Variants in CAPZA2 observed in about 807,000 individuals in gnomAD.
CAPZA2 encodes F-actin-capping protein subunit alpha-2.
CAPZA2 carries 13 observed loss-of-function variants against 44.0 expected under a neutral mutation model. That is an observed-to-expected ratio of 0.30 (90% CI 0.19 to 0.47). The LOEUF is 0.47. Among genes scored for constraint, CAPZA2 ranks in the 20% least tolerant of loss-of-function variants. The pLI is 1.00. For missense variants in CAPZA2, 244 were observed against 338.6 expected, an observed-to-expected ratio of 0.72 and a Z score of 2.19; for synonymous variants, 94 against 108.2, an observed-to-expected ratio of 0.87 and a Z score of 0.81.
chr7:116,871,380 C>G (rs1027432564), intron 1 of CAPZA2, among the ~76,000 whole-genome samples: 4 of 152,180 alleles, frequency 2.6e-5, no homozygotes, highest in Non-Finnish European at 4.4e-5. Context: ...GAATGAGAAA[C>G]AAATTATACC....
At chr7:116,913,173 C>G (rs1791619529) in intron 8 of CAPZA2, among the ~76,000 whole-genome samples, 1 of 152,172 alleles carries the variant, frequency 6.6e-6, no homozygotes, top group Non-Finnish European at 1.5e-5. Flanking sequence ...ATTCTGGATA[C>G]AAGTCCAGTG....
chr7:116,900,419 T>C (rs936485172), intron 4 of CAPZA2, among the ~76,000 whole-genome samples: 6 of 151,192 alleles, frequency 4.0e-5, no homozygotes, highest in Non-Finnish European at 8.9e-5. Context: ...AAAAAAAAGC[T>C]ATTAGAATTA....
intron 1 of CAPZA2, among the ~76,000 whole-genome samples, chr7:116,880,806 C>G (rs1321926674): frequency 7.2e-6 from 1 of 138,430 alleles, no homozygotes; most frequent in African/African-American, 2.7e-5. Context: ...CTCCCAGGTT[C>G]AAGCGATTCT....
At chr7:116,891,096 C>A (rs1366573228) in intron 2 of CAPZA2, among the ~76,000 whole-genome samples, 1 of 152,152 alleles carries the variant, frequency 6.6e-6, no homozygotes, top group African/African-American at 2.4e-5. Context: ...CTGTCCTCCA[C>A]CCTGTGGTTT....
chr7:116,864,169 T>A (rs1239101847), intron 1 of CAPZA2, among the ~76,000 whole-genome samples: 1 of 152,170 alleles, frequency 6.6e-6, no homozygotes, highest in African/African-American at 2.4e-5. Flanking sequence ...TGAGGCGTGC[T>A]AAAAAGCTTA....
chr7:116,919,466 A>G lies in CAPZA2; in HGVS notation c.*1599A>G, dbSNP rs1791733640. The G allele has an allele frequency of 6.6e-6, 1 of 152,146 alleles. No homozygotes were observed. Among genetic ancestry groups the G allele is most frequent in the Admixed American group, 6.6e-5 (1 of 15,242 alleles). The allele number at this position is 152,146 out of a possible 1,614,324, so 9.4% of individuals were successfully genotyped here. A position where few individuals can be genotyped will look rare whatever the true frequency, so the allele number is the denominator to read the frequency against. On this transcript the variant is annotated 3_prime_UTR_variant, in exon 10 of 10. Coordinates refer to ENST00000361183, the MANE Select transcript of CAPZA2 (RefSeq NM_006136.3). ...GGCCATCATGAGTTTCTATCCCATG[A>G]AAGTCATCAATTTCCTATCTCTGTT... is the stretch of plus-strand genomic sequence containing the variant.
intron 2 of CAPZA2, among the ~76,000 whole-genome samples, chr7:116,891,460 T>A (rs1317748970): frequency 6.6e-6 from 1 of 152,260 alleles, no homozygotes; most frequent in Non-Finnish European, 1.5e-5. Context: ...AATCAGTTAA[T>A]TTCAAAATTA....
Position 116,920,032 on chromosome 7 carries a change from C to G in CAPZA2, c.*2165C>G, listed in dbSNP as rs1396239136. 6.6e-6 allele frequency: 1 copy of G among 151,638 alleles called. No individual in the cohort carries two copies. The highest frequency in any genetic ancestry group is 2.4e-5 in the African/African-American group (1 of 41,196). 9.4% of individuals were successfully genotyped at this position (151,638 alleles called of 1,614,324 possible). A position where few individuals can be genotyped will look rare whatever the true frequency, so the allele number is the denominator to read the frequency against. On this transcript the variant is annotated 3_prime_UTR_variant, in exon 10 of 10. Transcript: ENST00000361183. ...GGCCGAGGCGGGTGGATCACGAGGT[C>G]AGGAGTTCGAGACCAGCCTGACCAA... is the stretch of plus-strand genomic sequence containing the variant.
intron 8 of CAPZA2, among the ~76,000 whole-genome samples, chr7:116,913,778 T>TC (rs1476177597): frequency 6.8e-6 from 1 of 147,762 alleles, no homozygotes; most frequent in African/African-American, 2.5e-5. Flanking sequence ...AATTTTTTTT[T>TC]TTTTTTTTTT....
chr7:116,890,565 T>C (rs866259954), intron 2 of CAPZA2, among the ~76,000 whole-genome samples: 7 of 12,530 alleles, frequency 5.6e-4, no homozygotes, highest in Admixed American at 1.2e-3. Flanking sequence ...TATATATATA[T>C]ATACACATAT....
At chr7:116,916,790 TA>T (rs1238567069) in intron 9 of CAPZA2, among the ~76,000 whole-genome samples, 1 of 152,236 alleles carries the variant, frequency 6.6e-6, no homozygotes, top group Non-Finnish European at 1.5e-5. Flanking sequence ...ATCTGAAAAT[TA>T]GAAATCTGCA....
Position 116,862,619 on chromosome 7 carries a change from A to G in CAPZA2, c.8A>G (p.Asp3Gly). 6.5e-7 allele frequency: 1 copy of G among 1,539,500 alleles called. No individual in the cohort carries two copies. The highest frequency in any genetic ancestry group is 8.8e-7 in the Non-Finnish European group (1 of 1,142,012). The change falls in exon 1 of 10, where the codon GAT (aspartate) becomes GGT (glycine). Residue 3 changes from aspartate (D) to glycine (G), a missense_variant. Asp to Gly is a moderately conservative substitution (Grantham distance 94, BLOSUM62 -1). Coordinates refer to ENST00000361183, the MANE Select transcript of CAPZA2 (RefSeq NM_006136.3). MA[D>G]LEEQLSDEEK... ...TTTGTCGCCAGAAGGAAGATGGCGG[A>G]TCTGGAGGAGCAGTTGTCTGATGAA...
At chr7:116,864,193 G>A (rs1472419172) in intron 1 of CAPZA2, among the ~76,000 whole-genome samples, 4 of 152,114 alleles carry the variant, frequency 2.6e-5, no homozygotes, top group Admixed American at 1.3e-4. Flanking sequence ...AGAGATTGTC[G>A]TGTTTTTATT....
intron 1 of CAPZA2, among the ~76,000 whole-genome samples, chr7:116,878,918 G>C (rs969106457): frequency 6.6e-6 from 1 of 151,950 alleles, no homozygotes; most frequent in African/African-American, 2.4e-5. Context: ...ACGAGGTCGG[G>C]AGTTTGAGAC....
chr7:116,863,618 A>G (rs892853282), intron 1 of CAPZA2, among the ~76,000 whole-genome samples: 4 of 152,082 alleles, frequency 2.6e-5, no homozygotes, highest in Admixed American at 2.6e-4. Context: ...GTGGTGGGGT[A>G]GGGGAGAACC....
At chr7:116,864,812 G>A (rs534564117) in intron 1 of CAPZA2, among the ~76,000 whole-genome samples, 93 of 152,134 alleles carry the variant, frequency 6.1e-4, no homozygotes, top group African/African-American at 2.2e-3. Context: ...GCCAAGGTGT[G>A]GAGGATCGCT....
At chr7:116,881,036 G>A (rs1796691769) in intron 1 of CAPZA2, among the ~76,000 whole-genome samples, 1 of 151,918 alleles carries the variant, frequency 6.6e-6, no homozygotes, top group South Asian at 2.1e-4. Flanking sequence ...CAGTTGGTGA[G>A]GAGGATTAGA....
chr7:116,892,774 G>A (rs1796865675), intron 2 of CAPZA2, among the ~76,000 whole-genome samples: 1 of 151,252 alleles, frequency 6.6e-6, no homozygotes, highest in Non-Finnish European at 1.5e-5. Context: ...GTGTAAACAA[G>A]TATGTATTTC....
In CAPZA2 at chr7:116,864,786, G is replaced by A. The variant is rs1275341353; in HGVS notation, c.39+2136G>A. ...GGGCACGGTGGTTTGCACCTGTAAT[G>A]CCAACTACTCTGGATGCCAAGGTGT... On this transcript the variant is annotated intron_variant, in intron 1 of 9. Coordinates refer to ENST00000361183, the MANE Select transcript of CAPZA2 (RefSeq NM_006136.3). Among the ~76,000 whole-genome samples the A allele has an allele frequency of 1.6e-4, 24 of 152,044 alleles. 1 individual carries two copies. Among genetic ancestry groups the A allele is most frequent in the Admixed American group, 1.6e-3 (24 of 15,226 alleles).
Sources: gnomAD v4.1 joint callset for allele counts (sites outside exome capture counted in the v4.1 genomes callset) on GRCh38, gnomAD v4.1.1 for gene constraint, MANE v1.5 for transcripts, NCBI Gene and HGNC (gene_info 2026-07-23, HGNC 2026-07-21) for gene names.